DOK6: variants seen among roughly 807,000 people sequenced by gnomAD.
DOK6 encodes the protein downstream of tyrosine kinase 6.
DOK6 carries 22 observed loss-of-function variants against 44.0 expected under a neutral mutation model. That is an observed-to-expected ratio of 0.50 (90% CI 0.36 to 0.71). The LOEUF (loss-of-function observed/expected upper bound fraction) is 0.71, where lower values mean the gene tolerates loss of function less well. DOK6 is among the 30% of genes least tolerant of loss of function. The pLI is 0.00. For synonymous variants in DOK6, 166 were observed against 145.5 expected (o/e 1.14, Z -1.01); for missense variants, 340 against 416.4 (o/e 0.82, Z 1.60).
intron 7 of DOK6, among the ~76,000 whole-genome samples, chr18:69,822,498 T>C (rs866242755): frequency 7.3e-4 from 111 of 152,338 alleles, no homozygotes; most frequent in African/African-American, 2.6e-3. Flanking sequence ...GTAGCTTGTA[T>C]CACAGGAGGG....
At chr18:69,402,630 C>T (rs961568138) in intron 1 of DOK6, among the ~76,000 whole-genome samples, 2 of 152,068 alleles carry the variant, frequency 1.3e-5, no homozygotes, top group Non-Finnish European at 2.9e-5. Context: ...GCAGACTGTA[C>T]CCCAAGGACA....
chr18:69,768,954 C>CATGT (rs1555669806), intron 7 of DOK6, among the ~76,000 whole-genome samples: 9 of 142,696 alleles, frequency 6.3e-5, no homozygotes, highest in Non-Finnish European at 1.4e-4. Flanking sequence ...GAAGGGTGTG[C>CATGT]GTGTGTGTGT....
At chr18:69,527,878 C>A (rs942436330) in intron 1 of DOK6, among the ~76,000 whole-genome samples, 1 of 152,082 alleles carries the variant, frequency 6.6e-6, no homozygotes, top group African/African-American at 2.4e-5. Context: ...AAATGCTTCA[C>A]CTGGCCGGGT....
At position 69,725,239 on chromosome 18, in the gene DOK6, C is replaced by T. The variant is rs114962799; in HGVS notation, c.600-13726C>T. On this transcript the variant is annotated intron_variant, in intron 5 of 7. Coordinates refer to ENST00000382713, the MANE Select transcript of DOK6 (RefSeq NM_152721.6). ...ATTCGGGCAGCTTTCCCGATCACCACCCGTCAGCCTGCAGTCACATACTTG... is the reference window on the plus strand; with the variant it reads ...ATTCGGGCAGCTTTCCCGATCACCATCCGTCAGCCTGCAGTCACATACTTG... Among the ~76,000 whole-genome samples, 365 of 152,294 alleles carry T rather than the reference C, an allele frequency of 2.4e-3. 2 individuals carry two copies. The highest frequency in any genetic ancestry group is 7.7e-3 in the African/African-American group (319 of 41,572).
At chr18:69,503,470 C>A (rs990711491) in intron 1 of DOK6, among the ~76,000 whole-genome samples, 1 of 151,996 alleles carries the variant, frequency 6.6e-6, no homozygotes, top group Non-Finnish European at 1.5e-5. Flanking sequence ...TAATAAAGTT[C>A]TCATTGTCAT....
chr18:69,814,725 G>A (rs928123853), intron 7 of DOK6, among the ~76,000 whole-genome samples: 2 of 152,068 alleles, frequency 1.3e-5, no homozygotes, highest in African/African-American at 4.8e-5. Flanking sequence ...AGGGGAAAGT[G>A]TCACGCACTT....
rs533051664 is a variant in DOK6 at position 69,498,281 on chromosome 18, A to T, written c.67-66206A>T. On this transcript the variant is annotated intron_variant, in intron 1 of 7. Coordinates refer to ENST00000382713, the MANE Select transcript of DOK6 (RefSeq NM_152721.6). ...AAATAAAGTATAATAACAAGTTTGT[A>T]AATTTTTAACTTACTTTGTAGTATT... 5.3e-5 allele frequency among the ~76,000 whole-genome samples: 8 copies of T among 152,288 alleles called. No homozygotes were observed. In the East Asian group the frequency reaches 1.5e-3, roughly 29 times the overall value.
At chr18:69,632,930 A>G (rs1410487056) in intron 3 of DOK6, among the ~76,000 whole-genome samples, 1 of 152,206 alleles carries the variant, frequency 6.6e-6, no homozygotes, top group Non-Finnish European at 1.5e-5. Flanking sequence ...CACTGTGATC[A>G]GACACCATCC....
chr18:69,568,486 G>C lies in DOK6; in HGVS notation c.174+3892G>C, dbSNP rs1983039139. On this transcript the variant is annotated intron_variant, in intron 2 of 7. Coordinates refer to ENST00000382713, the MANE Select transcript of DOK6 (RefSeq NM_152721.6). ...AAGTCAGATCTGGAATCAAGGGAAT[G>C]ACAGCTTCTCCCTTTCTCTGGGTGC... Among the ~76,000 whole-genome samples the C allele has an allele frequency of 1.3e-5, 2 of 152,300 alleles. 1 individual carries two copies. Among genetic ancestry groups the C allele is most frequent in the South Asian group, 4.2e-4 (2 of 4,810 alleles).
intron 1 of DOK6, among the ~76,000 whole-genome samples, chr18:69,455,156 C>CAAAAAAAAAAAAAAAAAAAA (rs58451274): frequency 2.6e-5 from 3 of 117,450 alleles, no homozygotes; most frequent in Non-Finnish European, 5.3e-5. Context: ...ATAGCTATAG[C>CAAAAAAAAAAAAAAAAAAAA]AAAAAAAAAA....
chr18:69,729,469 T>C lies in DOK6; in HGVS notation c.600-9496T>C, dbSNP rs145196444. On this transcript the variant is annotated intron_variant, in intron 5 of 7. Transcript: ENST00000382713. ...AGAAGTGAAGGTTTTATTTTCAAAA[T>C]ATTAACTGAAATCAGCTTGACCAGA... Among the ~76,000 whole-genome samples, 117 of 152,220 alleles carry C rather than the reference T, an allele frequency of 7.7e-4. 2 individuals are homozygous for C. The highest frequency in any genetic ancestry group is 2.7e-3 in the Admixed American group (41 of 15,234).
rs192227574 is a variant in DOK6, at chr18:69,510,828, T to G, written c.67-53659T>G. Among the ~76,000 whole-genome samples the G allele has an allele frequency of 2.6e-5, 4 of 152,280 alleles. No individual in the cohort carries two copies. The East Asian group carries it at 7.7e-4, about 29-fold the overall frequency. ...AAATTTGTATTTTAGTGTACATTTA[T>G]TTTTGCTCATTTCCTCATCATCTTT... On this transcript the variant is annotated intron_variant, in intron 1 of 7. Transcript: ENST00000382713.
intron 4 of DOK6, among the ~76,000 whole-genome samples, chr18:69,685,162 C>A (rs1390686207): frequency 1.3e-5 from 2 of 152,094 alleles, no homozygotes; most frequent in Admixed American, 6.5e-5. Flanking sequence ...ACAATATAAT[C>A]TTTCTAAATT....
rs554100838 is a variant in DOK6, at chr18:69,554,978, G to A, written c.67-9509G>A. ...ATCTTGCCCTCTTTAAAACTGGATT[G>A]TCTGTCTTCTTTTGGATTATTTACA... On this transcript the variant is annotated intron_variant, in intron 1 of 7. Transcript: ENST00000382713. Among the ~76,000 whole-genome samples the A allele has an allele frequency of 1.6e-4, 25 of 152,182 alleles. No individual in the cohort carries two copies. In the South Asian group the frequency reaches 5.0e-3, roughly 30 times the overall value.
intron 1 of DOK6, among the ~76,000 whole-genome samples, chr18:69,433,558 T>C (rs1978865153): frequency 6.6e-6 from 1 of 152,172 alleles, no homozygotes; most frequent in Admixed American, 6.5e-5. Flanking sequence ...CATGCTCTAC[T>C]TGAAAATGTA....
At chr18:69,429,717 GTGTC>G (rs1404099556) in intron 1 of DOK6, among the ~76,000 whole-genome samples, 2 of 145,174 alleles carry the variant, frequency 1.4e-5, no homozygotes, top group African/African-American at 5.1e-5. Flanking sequence ...CTCTAATGCA[GTGTC>G]TGTAATTTGT....
chr18:69,728,015 G>T (rs1188018517), intron 5 of DOK6, among the ~76,000 whole-genome samples: 2 of 152,186 alleles, frequency 1.3e-5, no homozygotes, highest in African/African-American at 4.8e-5. Context: ...TTCCAGGCTG[G>T]CATCTGCTGT....
rs1982383581 is a variant in DOK6 at position 69,847,936 on chromosome 18, A to C, written c.*6553A>C. ...CAACTCAGGCTGCTCCCTGACATAA[A>C]AGCCAGTTCCATCTTTACTGCAGAT... On this transcript the variant is annotated 3_prime_UTR_variant, in exon 8 of 8. Coordinates refer to ENST00000382713, the MANE Select transcript of DOK6 (RefSeq NM_152721.6). 6.6e-6 allele frequency: 1 copy of C among 151,904 alleles called. No homozygotes were observed. 9.4% of individuals were successfully genotyped at this position (151,904 alleles called of 1,614,324 possible). A position where few individuals can be genotyped will look rare whatever the true frequency, so the allele number is the denominator to read the frequency against.
intron 1 of DOK6, among the ~76,000 whole-genome samples, chr18:69,544,126 C>T (rs868357689): frequency 4.7e-5 from 7 of 150,020 alleles, no homozygotes; most frequent in African/African-American, 1.2e-4. Context: ...GGTGTGGTGG[C>T]GTGCATCTGT....
Sources: allele counts gnomAD v4.1 joint callset (sites outside exome capture counted in the v4.1 genomes callset), GRCh38; gene constraint gnomAD v4.1.1; transcripts MANE v1.5; gene names NCBI Gene and HGNC (gene_info 2026-07-23, HGNC 2026-07-21).